KATNAL2: variants seen among roughly 807,000 people sequenced by gnomAD.
The protein encoded by KATNAL2 is katanin p60 ATPase-containing subunit A-like 2.
A neutral mutation model predicts 76.3 loss-of-function variants in KATNAL2; 52 were observed. The observed-to-expected ratio is 0.68, with a 90% CI of 0.55 to 0.86. The LOEUF is 0.86. Among genes scored for constraint, KATNAL2 ranks in the 40% least tolerant of loss-of-function variants. The pLI is 0.00. For synonymous variants in KATNAL2, 243 were observed against 244.2 expected, an observed-to-expected ratio of 1.00 and a Z score of 0.05; for missense variants, 660 against 668.9, an observed-to-expected ratio of 0.99 and a Z score of 0.15.
chr18:47,078,187 C>T (rs1176721657), intron 15 of KATNAL2, among the ~76,000 whole-genome samples: 1 of 152,130 alleles, frequency 6.6e-6, no homozygotes, highest in Non-Finnish European at 1.5e-5. Context: ...GTCAATCCAC[C>T]AACATCAACA....
chr18:47,072,242 C>T (rs899765637), intron 13 of KATNAL2, among the ~76,000 whole-genome samples: 1 of 151,938 alleles, frequency 6.6e-6, no homozygotes, highest in African/African-American at 2.4e-5. Context: ...AGGCATGAGC[C>T]ACCGTGCCCA....
intron 1 of KATNAL2, among the ~76,000 whole-genome samples, chr18:46,939,233 C>T (rs1330393308): frequency 6.6e-6 from 1 of 151,620 alleles, no homozygotes; most frequent in Non-Finnish European, 1.5e-5. Flanking sequence ...CCTTGGGAGT[C>T]TGAGGCAGGA....
chr18:47,075,274 C>T lies in KATNAL2; in HGVS notation c.1009-3C>T, dbSNP rs2062161411. ...AACACTTGCTTGCTTTTCCCCCACC[C>T]AGGTGTTATTTGAGCTTGCCCGCTA... On this transcript the variant is annotated splice_region_variant and splice_polypyrimidine_tract_variant and intron_variant, in intron 13 of 17. Transcript: ENST00000683218. 6 of 1,546,038 alleles carry T rather than the reference C, an allele frequency of 3.9e-6. No homozygotes were observed. The highest frequency in any genetic ancestry group is 2.8e-5 in the African/African-American group (2 of 70,338).
rs541268302 is a variant in KATNAL2 at position 47,035,428 on chromosome 18, A to G, written c.52-11029A>G. ...GAGCGAGCTGGGTCCTCGGAGCAGC[A>G]GGCCACTTGGTCTGGAACGGCCGTC... On this transcript the variant is annotated intron_variant, in intron 3 of 17. Coordinates refer to ENST00000683218, the MANE Select transcript of KATNAL2 (RefSeq NM_001387690.1). 934 of 1,420,574 alleles carry G rather than the reference A, an allele frequency of 6.6e-4. 10 individuals are homozygous for G. The South Asian group carries it at 0.012, about 18-fold the overall frequency. 88.0% of individuals were successfully genotyped at this position (1,420,574 alleles called of 1,614,324 possible).
In KATNAL2 at chr18:47,053,001, A is replaced by C; in HGVS notation, c.244A>C (p.Lys82Gln). The C allele has an allele frequency of 1.2e-6, 2 of 1,607,394 alleles. No individual in the cohort carries two copies. The highest frequency in any genetic ancestry group is 1.7e-6 in the Non-Finnish European group (2 of 1,177,660). ...GGAATATGAGAGTTATTATTTTGTA[A>C]AATTTCAGAAATACCCCAAAATTGT... The part of the protein sequence containing the change: ...LMEYESYYFV[K>Q]FQKYPKIVKK... Residue 82 changes from lysine to glutamine, a missense_variant, in exon 5 of 18, where the codon AAA (lysine) becomes CAA (glutamine). By Grantham distance (53) the Lys-to-Gln change is moderately conservative. Transcript: ENST00000683218.
At chr18:46,965,973 TC>T (rs2060119321) in intron 3 of KATNAL2, among the ~76,000 whole-genome samples, 1 of 151,048 alleles carries the variant, frequency 6.6e-6, no homozygotes, top group Non-Finnish European at 1.5e-5. Context: ...TGACTTTCTC[TC>T]TCTCTCTCTC....
At chr18:47,045,177 A>C (rs998256525) in intron 3 of KATNAL2, among the ~76,000 whole-genome samples, 1 of 152,154 alleles carries the variant, frequency 6.6e-6, no homozygotes, top group African/African-American at 2.4e-5. Flanking sequence ...ATAAAAAAGC[A>C]ACTTAGAAAA....
chr18:46,954,156 T>G (rs1221980927), intron 3 of KATNAL2, among the ~76,000 whole-genome samples: 3 of 151,590 alleles, frequency 2.0e-5, no homozygotes, highest in Non-Finnish European at 4.4e-5. Flanking sequence ...AATTGTAACC[T>G]GATTGGAGAA....
Position 46,946,083 on chromosome 18 carries a change from T to A in KATNAL2, c.-483T>A. On this transcript the variant is annotated 5_prime_UTR_variant, in exon 2 of 18. Coordinates refer to ENST00000683218, the MANE Select transcript of KATNAL2 (RefSeq NM_001387690.1). ...TTGAGGAAACTTGAATATTTTTGTATCCTGAAGGGAGAAATGGATGAAGAA... is the reference window on the plus strand; with the variant it reads ...TTGAGGAAACTTGAATATTTTTGTAACCTGAAGGGAGAAATGGATGAAGAA... 2.2e-6 allele frequency: 1 copy of A among 453,416 alleles called. No homozygotes were observed. Among genetic ancestry groups the A allele is most frequent in the Non-Finnish European group, 2.9e-6 (1 of 342,702 alleles). 28.1% of individuals were successfully genotyped at this position (453,416 alleles called of 1,614,324 possible). A position where few individuals can be genotyped will look rare whatever the true frequency, so the allele number is the denominator to read the frequency against.
intron 10 of KATNAL2, 129 bp from the exon 11 acceptor site, chr18:47,066,892 T>TATATATAA (rs1292637193): frequency 1.4e-5 from 2 of 146,022 alleles, no homozygotes; most frequent in African/African-American, 3.0e-5. Context: ...TATATATATA[T>TATATATAA]AATATGAACA....
At chr18:47,079,704 G>T (rs1268314136) in intron 15 of KATNAL2, among the ~76,000 whole-genome samples, 1 of 151,890 alleles carries the variant, frequency 6.6e-6, no homozygotes, top group African/African-American at 2.4e-5. Context: ...CCTGCCAGAG[G>T]GATTGTCTTG....
chr18:47,032,857 G>A, intron 3 of KATNAL2: 2 of 1,500,520 alleles, frequency 1.3e-6, no homozygotes, highest in Non-Finnish European at 1.8e-6. Flanking sequence ...CACAGGGCCA[G>A]CACATGACAC....
intron 3 of KATNAL2, chr18:47,033,566 G>T (rs1418585061): frequency 6.2e-7 from 1 of 1,614,048 alleles, no homozygotes; most frequent in Non-Finnish European, 8.5e-7. Context: ...CTGCGATACA[G>T]CTGATCGGGC....
At chr18:47,084,271 T>C in intron 15 of KATNAL2, 1 of 698,280 alleles carries the variant, frequency 1.4e-6, no homozygotes, top group Non-Finnish European at 2.6e-6. Context: ...GTAACATTGC[T>C]ATAGCAATGC....
At chr18:46,929,617 A>T (rs979245235) in intron 1 of KATNAL2, among the ~76,000 whole-genome samples, 1 of 152,154 alleles carries the variant, frequency 6.6e-6, no homozygotes, top group East Asian at 1.9e-4. Flanking sequence ...TCTCTTGCTG[A>T]TGGACATTTA....
At chr18:47,062,449 G>A (rs1474523084) in intron 8 of KATNAL2, among the ~76,000 whole-genome samples, 1 of 151,236 alleles carries the variant, frequency 6.6e-6, no homozygotes. Flanking sequence ...TACATTGTTG[G>A]TGGAAATTAA....
chr18:47,034,765 C>A (rs142263566), intron 3 of KATNAL2: 1 of 1,610,374 alleles, frequency 6.2e-7, no homozygotes, highest in Non-Finnish European at 8.5e-7. Context: ...GGCCCGATAG[C>A]GGCCGGAATC....
At chr18:47,064,872 A>C (rs920815546) in intron 10 of KATNAL2, among the ~76,000 whole-genome samples, 2 of 152,274 alleles carry the variant, frequency 1.3e-5, no homozygotes, top group Admixed American at 1.3e-4. Context: ...CTTTGGATTG[A>C]TACAAGGAGA....
At position 47,099,387 on chromosome 18, in the gene KATNAL2, G is replaced by A; in HGVS notation, c.1356G>A (p.Glu452=). Reference sequence around the variant, plus strand: ...CCTTGGAGCTGCACACAGAGCTGGAGTACAGTGTGCTGAGCCAGGTCAGCT... The same window carrying A: ...CCTTGGAGCTGCACACAGAGCTGGAATACAGTGTGCTGAGCCAGGTCAGCT... ...SRALELHTEL[E]YSVLSQETEG... Residue 452 remains glutamate (E), a synonymous_variant, in exon 16 of 18, where the codon GAG becomes GAA. Coordinates refer to ENST00000683218, the MANE Select transcript of KATNAL2 (RefSeq NM_001387690.1). 1.2e-6 allele frequency: 2 copies of A among 1,613,358 alleles called. No homozygotes were observed. Among genetic ancestry groups the A allele is most frequent in the South Asian group, 1.1e-5 (1 of 90,996 alleles).
Sources: allele counts gnomAD v4.1 joint callset (sites outside exome capture counted in the v4.1 genomes callset), GRCh38; gene constraint gnomAD v4.1.1; transcripts MANE v1.5; gene names NCBI Gene and HGNC (gene_info 2026-07-23, HGNC 2026-07-21).